Variants in SGCZ observed in about 807,000 individuals in gnomAD.
SGCZ encodes the protein zeta-sarcoglycan.
In SGCZ, 40 loss-of-function variants were observed where a neutral mutation model predicts 41.3. The ratio of observed to expected loss-of-function variants is 0.97; its 90% CI spans 0.75 to 1.26. SGCZ has a LOEUF of 1.26. Ranked by LOEUF, SGCZ falls within the 50% of genes most tolerant of loss-of-function variation. The probability of loss-of-function intolerance (pLI) is 0.00; values close to 1 mark genes in which losing one functional copy is unlikely to be tolerated. For synonymous variants in SGCZ, 206 were observed against 137.5 expected, an observed-to-expected ratio of 1.50 and a Z score of -3.49; for missense variants, 552 against 369.8, an observed-to-expected ratio of 1.49 and a Z score of -4.04.
rs1416372360 is a variant in SGCZ at position 15,206,956 on chromosome 8, G to A, written c.39+30629C>T. ...TAACAAGACAAATATAATCTAATAA[G>A]GATTTAGTAAAATAGCTTGCAGAAA... On this transcript the variant is annotated intron_variant, in intron 1 of 7. Transcript: ENST00000382080. Among the ~76,000 whole-genome samples, 4 of 152,194 alleles carry A rather than the reference G, an allele frequency of 2.6e-5. 1 individual carries two copies. The South Asian group carries it at 8.3e-4, about 32-fold the overall frequency.
chr8:14,811,095 G>C lies in SGCZ; in HGVS notation c.40-256169C>G, dbSNP rs1003244014. 4.6e-5 allele frequency among the ~76,000 whole-genome samples: 7 copies of C among 151,986 alleles called. No homozygotes were observed. In the East Asian group the frequency reaches 1.3e-3, roughly 29 times the overall value. ...TATATAAAAAAAGTTTTTAAAAACT[G>C]TCAGGATTTTCTGTAAGAAATATAG... is the stretch of plus-strand genomic sequence containing the variant. On this transcript the variant is annotated intron_variant, in intron 1 of 7. Transcript: ENST00000382080.
rs368190533 is a variant in SGCZ, at chr8:14,541,239, C to T, written c.234+13493G>A. On this transcript the variant is annotated intron_variant, in intron 2 of 7. Transcript: ENST00000382080. ...ATGGTGGTTTGCTGCACCTATCAACCCAAGATCTAGGTTTTAAGCTCTGCA... is the reference window on the plus strand; with the variant it reads ...ATGGTGGTTTGCTGCACCTATCAACTCAAGATCTAGGTTTTAAGCTCTGCA... Among the ~76,000 whole-genome samples, 416 of 151,898 alleles carry T rather than the reference C, an allele frequency of 2.7e-3. 3 individuals are homozygous for T. Among genetic ancestry groups the T allele is most frequent in the African/African-American group, 9.6e-3 (398 of 41,440 alleles).
chr8:14,099,121 G>A (rs537425142), intron 7 of SGCZ, among the ~76,000 whole-genome samples: 1 of 152,116 alleles, frequency 6.6e-6, no homozygotes, highest in Non-Finnish European at 1.5e-5. Flanking sequence ...TAAGATTAAA[G>A]GGGCTGCTAT....
chr8:14,896,649 G>A lies in SGCZ; in HGVS notation c.39+340936C>T, dbSNP rs149118874. Among the ~76,000 whole-genome samples the A allele has an allele frequency of 3.0e-3, 456 of 151,438 alleles. 2 individuals are homozygous for A. Among genetic ancestry groups the A allele is most frequent in the Middle Eastern group, 0.01 (3 of 290 alleles). ...CCTCCACCACACCTGGCTAATTTCC[G>A]TATTTTCAGGAGAGACGGGGTTTCA... On this transcript the variant is annotated intron_variant, in intron 1 of 7. Transcript: ENST00000382080.
At chr8:14,847,627 G>C (rs2130644825) in intron 1 of SGCZ, among the ~76,000 whole-genome samples, 1 of 147,162 alleles carries the variant, frequency 6.8e-6, no homozygotes, top group East Asian at 2.0e-4. Flanking sequence ...ACTTTATAAA[G>C]AGGGAAGGAA....
Position 15,080,020 on chromosome 8 carries a change from T to C in SGCZ, c.39+157565A>G, listed in dbSNP as rs993948700. ...TCTGTTCCATTTCTTCTCCAGCCGG[T>C]CCTCTATTTTTCCTTCGCCATTTTT... On this transcript the variant is annotated intron_variant, in intron 1 of 7. Coordinates refer to ENST00000382080, the MANE Select transcript of SGCZ (RefSeq NM_139167.4). 7.9e-5 allele frequency among the ~76,000 whole-genome samples: 12 copies of C among 152,270 alleles called. No individual in the cohort carries two copies. In the South Asian group the frequency reaches 2.5e-3, roughly 32 times the overall value.
intron 1 of SGCZ, among the ~76,000 whole-genome samples, chr8:14,648,969 T>A (rs896236652): frequency 2.6e-5 from 4 of 152,068 alleles, no homozygotes; most frequent in Non-Finnish European, 4.4e-5. Context: ...ATCTCCTCCC[T>A]CATTTCAAAA....
intron 1 of SGCZ, among the ~76,000 whole-genome samples, chr8:14,802,633 A>G (rs1484730282): frequency 1.3e-5 from 2 of 152,204 alleles, no homozygotes; most frequent in Non-Finnish European, 2.9e-5. Flanking sequence ...AGAAACACAC[A>G]AATATATATA....
At chr8:14,646,575 G>A (rs755692671) in intron 1 of SGCZ, among the ~76,000 whole-genome samples, 10 of 151,902 alleles carry the variant, frequency 6.6e-5, no homozygotes, top group East Asian at 2.0e-4. Flanking sequence ...ATATACATCC[G>A]GTAATAGTTT....
chr8:14,602,006 G>A (rs1372029098), intron 1 of SGCZ, among the ~76,000 whole-genome samples: 1 of 152,080 alleles, frequency 6.6e-6, no homozygotes, highest in African/African-American at 2.4e-5. Flanking sequence ...TGTAGTCCCA[G>A]CTACTCGGGA....
In SGCZ at chr8:14,250,560, C is replaced by T. The variant is rs372318748; in HGVS notation, c.337-12881G>A. 4.6e-5 allele frequency among the ~76,000 whole-genome samples: 7 copies of T among 152,142 alleles called. No individual in the cohort carries two copies. The East Asian group carries it at 5.8e-4, about 13-fold the overall frequency. ...AGCCTCCCCACCTGAGGTCCTAGAG[C>T]GATATGGAACCACACATGAAAAGAA... On this transcript the variant is annotated intron_variant, in intron 3 of 7. Coordinates refer to ENST00000382080, the MANE Select transcript of SGCZ (RefSeq NM_139167.4).
At chr8:14,263,079 C>T (rs1799730605) in intron 3 of SGCZ, among the ~76,000 whole-genome samples, 1 of 152,096 alleles carries the variant, frequency 6.6e-6, no homozygotes, top group African/African-American at 2.4e-5. Context: ...ATTTTTTCTG[C>T]ATTAGTTTTT....
intron 1 of SGCZ, among the ~76,000 whole-genome samples, chr8:14,676,062 G>A (rs1808267686): frequency 6.6e-6 from 1 of 152,184 alleles, no homozygotes; most frequent in Non-Finnish European, 1.5e-5. Flanking sequence ...ACTAGCAGAG[G>A]AATGAAGTGG....
In SGCZ at chr8:14,597,356, G is replaced by C. The variant is rs528287318; in HGVS notation, c.40-42430C>G. ...ATGGGAGAGAAAAAGTACTTAGGTA[G>C]CATTCAGTGCTTTCAATAGTAATAA... On this transcript the variant is annotated intron_variant, in intron 1 of 7. Coordinates refer to ENST00000382080, the MANE Select transcript of SGCZ (RefSeq NM_139167.4). Among the ~76,000 whole-genome samples the C allele has an allele frequency of 8.0e-4, 122 of 152,286 alleles. 1 individual carries two copies. Among genetic ancestry groups the C allele is most frequent in the South Asian group, 1.5e-3 (7 of 4,822 alleles).
At chr8:14,340,838 C>A (rs1802678111) in intron 2 of SGCZ, among the ~76,000 whole-genome samples, 1 of 152,048 alleles carries the variant, frequency 6.6e-6, no homozygotes, top group African/African-American at 2.4e-5. Flanking sequence ...GGTTCAGTGG[C>A]ATTAAGTACA....
chr8:14,809,794 G>C (rs1307259432), intron 1 of SGCZ, among the ~76,000 whole-genome samples: 1 of 152,022 alleles, frequency 6.6e-6, no homozygotes, highest in African/African-American at 2.4e-5. Flanking sequence ...TAATACAACA[G>C]AAAAGTCAAC....
chr8:14,341,180 A>G lies in SGCZ; in HGVS notation c.235-16976T>C, dbSNP rs375756136. Among the ~76,000 whole-genome samples, 638 of 152,294 alleles carry G rather than the reference A, an allele frequency of 4.2e-3. 5 individuals are homozygous for G. Among genetic ancestry groups the G allele is most frequent in the Non-Finnish European group, 6.3e-3 (429 of 68,026 alleles). On this transcript the variant is annotated intron_variant, in intron 2 of 7. Transcript: ENST00000382080. The stretch of plus-strand genomic sequence containing the variant: ...ATTTTATGTATTTGTTTATCTGTCA[A>G]TGAGCACTTGGGTTGCAACCTTCAT...
intron 1 of SGCZ, among the ~76,000 whole-genome samples, chr8:14,674,660 T>C (rs1331577468): frequency 6.6e-6 from 1 of 152,100 alleles, no homozygotes; most frequent in Non-Finnish European, 1.5e-5. Flanking sequence ...TGGGAGGTGA[T>C]TGTGGATCAT....
intron 2 of SGCZ, among the ~76,000 whole-genome samples, chr8:14,498,352 G>C (rs888716378): frequency 1.3e-5 from 2 of 151,988 alleles, no homozygotes; most frequent in African/African-American, 4.8e-5. Context: ...ATTTTGTTGG[G>C]TTCCTTCAGA....
Sources: gnomAD v4.1 joint callset for allele counts (sites outside exome capture counted in the v4.1 genomes callset) on GRCh38, gnomAD v4.1.1 for gene constraint, MANE v1.5 for transcripts, NCBI Gene and HGNC (gene_info 2026-07-23, HGNC 2026-07-21) for gene names.